The following TMEM108 variants were observed in gnomAD, a reference collection of about 807,000 sequenced individuals.
TMEM108 encodes cancer/testis antigen 124.
TMEM108 carries 12 observed loss-of-function variants against 35.1 expected under a neutral mutation model. The ratio of observed to expected loss-of-function variants is 0.34; its 90% CI spans 0.22 to 0.55. The LOEUF (loss-of-function observed/expected upper bound fraction) is 0.55. TMEM108 is among the 20% of genes least tolerant of loss of function. The pLI is 0.89. For synonymous variants in TMEM108, 287 were observed against 308.6 expected (o/e 0.93, Z 0.73); for missense variants, 680 against 753.3 (o/e 0.90, Z 1.14).
At chr3:133,178,506 A>T (rs1024465365) in intron 2 of TMEM108, among the ~76,000 whole-genome samples, 1 of 151,998 alleles carries the variant, frequency 6.6e-6, no homozygotes, top group African/African-American at 2.4e-5. Context: ...ATAATGCCGC[A>T]TATCTACAAC....
intron 3 of TMEM108, among the ~76,000 whole-genome samples, chr3:133,317,555 A>G (rs2071214726): frequency 6.6e-6 from 1 of 152,208 alleles, no homozygotes; most frequent in African/African-American, 2.4e-5. Context: ...CATAAACACC[A>G]GACCTAATTT....
At chr3:133,312,732 C>T (rs1412980727) in intron 3 of TMEM108, among the ~76,000 whole-genome samples, 1 of 152,222 alleles carries the variant, frequency 6.6e-6, no homozygotes, top group Non-Finnish European at 1.5e-5. Flanking sequence ...CTGTGGGCTG[C>T]ATCCACTGTC....
chr3:133,324,410 A>G (rs915531809), intron 3 of TMEM108, among the ~76,000 whole-genome samples: 2 of 152,236 alleles, frequency 1.3e-5, no homozygotes, highest in Non-Finnish European at 2.9e-5. Flanking sequence ...CAACAAATAT[A>G]TGAAAAAATA....
At chr3:133,317,819 T>G (rs1284893229) in intron 3 of TMEM108, among the ~76,000 whole-genome samples, 1 of 152,188 alleles carries the variant, frequency 6.6e-6, no homozygotes, top group Non-Finnish European at 1.5e-5. Context: ...GTACTGATAT[T>G]CTAGAGGGGA....
At chr3:133,291,899 T>A (rs771549615) in intron 3 of TMEM108, among the ~76,000 whole-genome samples, 20 of 151,982 alleles carry the variant, frequency 1.3e-4, no homozygotes, top group Non-Finnish European at 7.4e-5. Flanking sequence ...TCCCAAAACA[T>A]TCAGAGTTAA....
chr3:133,261,483 GCTC>G (rs2107675784), intron 3 of TMEM108, among the ~76,000 whole-genome samples: 1 of 152,290 alleles, frequency 6.6e-6, no homozygotes, highest in Admixed American at 6.5e-5. Flanking sequence ...CAGTGATTGT[GCTC>G]CTCATACTCT....
At chr3:133,394,267 A>G (rs1464956210) in intron 5 of TMEM108, among the ~76,000 whole-genome samples, 3 of 152,244 alleles carry the variant, frequency 2.0e-5, no homozygotes, top group Admixed American at 2.0e-4. Context: ...GGAGACTGCC[A>G]AATGGTTTGC....
chr3:133,129,210 T>C (rs972027840), intron 2 of TMEM108, among the ~76,000 whole-genome samples: 1 of 151,952 alleles, frequency 6.6e-6, no homozygotes, highest in African/African-American at 2.4e-5. Context: ...GGGTGTGCTG[T>C]TGTGCACCTG....
Position 133,346,610 on chromosome 3 carries a change from T to C in TMEM108, c.41-33142T>C, listed in dbSNP as rs2071824470. On this transcript the variant is annotated intron_variant, in intron 3 of 5. Coordinates refer to ENST00000321871, the MANE Select transcript of TMEM108 (RefSeq NM_023943.4). The surrounding 1 kb of genome is among the most constrained non-coding windows in gnomAD (Gnocchi z 4.0). ...TTCTTCCAGTCGATGGCTTGTCTTT[T>C]ATTCTTTGAATTTATCACAGCAGAA... is the stretch of plus-strand genomic sequence containing the variant. 6.6e-6 allele frequency among the ~76,000 whole-genome samples: 1 copy of C among 152,056 alleles called. No homozygotes were observed. The highest frequency in any genetic ancestry group is 1.5e-5 in the Non-Finnish European group (1 of 67,940).
At chr3:133,356,827 G>T (rs1316109818) in intron 3 of TMEM108, among the ~76,000 whole-genome samples, 1 of 152,118 alleles carries the variant, frequency 6.6e-6, no homozygotes, top group Non-Finnish European at 1.5e-5. Flanking sequence ...ACTCAAGATG[G>T]ATCAGACTTA....
chr3:133,157,638 G>T (rs1190523882), intron 2 of TMEM108, among the ~76,000 whole-genome samples: 2 of 152,126 alleles, frequency 1.3e-5, no homozygotes, highest in Non-Finnish European at 2.9e-5. Context: ...ATGGTATTCT[G>T]CTTAAGAGTA....
chr3:133,258,310 CTGT>C (rs374214740), intron 3 of TMEM108, among the ~76,000 whole-genome samples: 12 of 152,244 alleles, frequency 7.9e-5, no homozygotes, highest in Middle Eastern at 3.4e-3. Flanking sequence ...AAGTAAATTG[CTGT>C]TGTTTGGTAT....
intron 2 of TMEM108, among the ~76,000 whole-genome samples, chr3:133,057,183 G>A (rs965767989): frequency 6.6e-6 from 1 of 152,018 alleles, no homozygotes. Context: ...TATTTAAAAC[G>A]TAATTCTCAA....
intron 3 of TMEM108, among the ~76,000 whole-genome samples, chr3:133,316,307 C>A (rs1335853642): frequency 6.6e-6 from 1 of 152,142 alleles, no homozygotes; most frequent in Admixed American, 6.5e-5. Flanking sequence ...GTATAGATAT[C>A]CTCCATATTA....
chr3:133,267,250 A>G (rs1946712475), intron 3 of TMEM108, among the ~76,000 whole-genome samples: 1 of 152,178 alleles, frequency 6.6e-6, no homozygotes, highest in Admixed American at 6.5e-5. Context: ...CTCTGCCTCT[A>G]AGGAGCTCAC....
At chr3:133,157,807 T>C (rs1384581291) in intron 2 of TMEM108, among the ~76,000 whole-genome samples, 1 of 152,214 alleles carries the variant, frequency 6.6e-6, no homozygotes, top group Non-Finnish European at 1.5e-5. Context: ...TTTACGTGTA[T>C]CCTGTTGAAT....
At chr3:133,388,663 TA>T (rs964582131) in intron 4 of TMEM108, 1 of 985,314 alleles carries the variant, frequency 1.0e-6, no homozygotes, top group African/African-American at 1.7e-5. Context: ...GCAGATAAGA[TA>T]AAGTAGAAAC....
At chr3:133,168,821 T>C (rs1945084165) in intron 2 of TMEM108, among the ~76,000 whole-genome samples, 1 of 152,164 alleles carries the variant, frequency 6.6e-6, no homozygotes, top group African/African-American at 2.4e-5. Flanking sequence ...GCTGTAAGAC[T>C]CACCGTGAAG....
chr3:133,124,450 C>A (rs1023676929), intron 2 of TMEM108, among the ~76,000 whole-genome samples: 1 of 152,142 alleles, frequency 6.6e-6, no homozygotes, highest in Non-Finnish European at 1.5e-5. Context: ...TAGGGTGAGA[C>A]CCTCAGAGCT....
Sources: allele counts gnomAD v4.1 joint callset (sites outside exome capture counted in the v4.1 genomes callset), GRCh38; gene constraint gnomAD v4.1.1; non-coding constraint Gnocchi (gnomAD v3.1); transcripts MANE v1.5; gene names NCBI Gene and HGNC (gene_info 2026-07-23, HGNC 2026-07-21).